The following AMOTL1 variants were observed in gnomAD, a reference collection of about 807,000 sequenced individuals.
AMOTL1 encodes angiomotin-like protein 1.
In AMOTL1, 45 loss-of-function variants were observed where a neutral mutation model predicts 102.9. The ratio of observed to expected loss-of-function variants is 0.44; its 90% CI spans 0.34 to 0.56. The LOEUF (loss-of-function observed/expected upper bound fraction) is 0.56. Ranked by LOEUF, AMOTL1 falls within the 20% of genes least tolerant of loss-of-function variation. AMOTL1 has a pLI of 0.01. For synonymous variants in AMOTL1, 481 were observed against 484.7 expected (o/e 0.99, Z 0.10); for missense variants, 1,114 against 1,225.6 (o/e 0.91, Z 1.36).
intron 3 of AMOTL1, among the ~76,000 whole-genome samples, chr11:94,758,489 G>C (rs1950754379): frequency 6.6e-6 from 1 of 152,228 alleles, no homozygotes; most frequent in Admixed American, 6.5e-5. Context: ...TTGTCTTACA[G>C]GATGCTTAGT....
chr11:94,712,333 T>C (rs1013623181), intron 1 of AMOTL1, among the ~76,000 whole-genome samples: 4 of 152,072 alleles, frequency 2.6e-5, no homozygotes, highest in Non-Finnish European at 5.9e-5. Flanking sequence ...CCTTTTACCA[T>C]ATACAAACAT....
At chr11:94,718,194 T>C (rs1476145638) in intron 1 of AMOTL1, among the ~76,000 whole-genome samples, 1 of 152,008 alleles carries the variant, frequency 6.6e-6, no homozygotes, top group African/African-American at 2.4e-5. Context: ...GGACCCTCTT[T>C]GTAAATTGTT....
chr11:94,856,198 C>T (rs1334171972), intron 8 of AMOTL1, among the ~76,000 whole-genome samples: 1 of 152,086 alleles, frequency 6.6e-6, no homozygotes, highest in Non-Finnish European at 1.5e-5. Context: ...ATCTGAAATG[C>T]TTGGGACCAG....
chr11:94,727,612 G>A (rs1427747458), intron 1 of AMOTL1, among the ~76,000 whole-genome samples: 2 of 152,142 alleles, frequency 1.3e-5, no homozygotes, highest in African/African-American at 4.8e-5. Flanking sequence ...TTTGCAAGAG[G>A]AAATTAAGCC....
Position 94,799,800 on chromosome 11 carries a change from C to A in AMOTL1, c.610C>A (p.Gln204Lys), listed in dbSNP as rs1951437213. ...AKAQSQFFRG[Q>K]QQQQQQQGAV... Reference sequence around the variant, plus strand: ...AGCACAGTCGCAGTTCTTCAGGGGGCAGCAGCAGCAGCAACAGCAGCAGGG... The same window carrying A: ...AGCACAGTCGCAGTTCTTCAGGGGGAAGCAGCAGCAGCAACAGCAGCAGGG... The change falls in exon 3 of 13, where the codon CAG (glutamine) becomes AAG (lysine). Residue 204 changes from glutamine (Q) to lysine (K), a missense_variant. Gln to Lys is a moderately conservative substitution (Grantham distance 53, BLOSUM62 1). Coordinates refer to ENST00000433060, the MANE Select transcript of AMOTL1 (RefSeq NM_130847.3). This position sits in a 1 kb window ranked among gnomAD's most constrained non-coding sequence, Gnocchi z 4.5. 3 of 1,589,616 alleles carry A rather than the reference C, an allele frequency of 1.9e-6. No individual in the cohort carries two copies. Among genetic ancestry groups the A allele is most frequent in the Admixed American group, 3.5e-5 (2 of 57,018 alleles).
At chr11:94,761,563 C>T (rs1048348422) in intron 3 of AMOTL1, among the ~76,000 whole-genome samples, 2 of 152,030 alleles carry the variant, frequency 1.3e-5, no homozygotes, top group Admixed American at 6.6e-5. Flanking sequence ...TCTCCCAATC[C>T]ATACTTTGGA....
At chr11:94,711,965 A>T (rs2135429382) in intron 1 of AMOTL1, among the ~76,000 whole-genome samples, 1 of 152,224 alleles carries the variant, frequency 6.6e-6, no homozygotes, top group African/African-American at 2.4e-5. Flanking sequence ...ATGCCTGAAA[A>T]TGTGATATCT....
intron 1 of AMOTL1, among the ~76,000 whole-genome samples, chr11:94,711,930 A>T (rs376987708): frequency 6.6e-6 from 1 of 152,138 alleles, no homozygotes; most frequent in Non-Finnish European, 1.5e-5. Flanking sequence ...TTGCATGAAC[A>T]TAAATTTTCA....
intron 1 of AMOTL1, among the ~76,000 whole-genome samples, chr11:94,787,534 A>C (rs1231886468): frequency 6.6e-6 from 1 of 151,694 alleles, no homozygotes; most frequent in Non-Finnish European, 1.5e-5. Context: ...CTAAAAATAC[A>C]AAAATTAGCC....
intron 7 of AMOTL1, among the ~76,000 whole-genome samples, chr11:94,852,436 C>T (rs920541080): frequency 1.3e-5 from 2 of 152,338 alleles, no homozygotes; most frequent in East Asian, 3.9e-4. Flanking sequence ...ATTGAATACA[C>T]CCAGGTGCGG....
At chr11:94,777,284 T>A (rs942562330) in intron 1 of AMOTL1, among the ~76,000 whole-genome samples, 2 of 152,218 alleles carry the variant, frequency 1.3e-5, no homozygotes, top group Admixed American at 1.3e-4. Context: ...TGGTATTGAC[T>A]GGCCTGGCAG....
intron 3 of AMOTL1, among the ~76,000 whole-genome samples, chr11:94,746,470 C>A (rs142308669): frequency 6.6e-6 from 1 of 152,268 alleles, no homozygotes; most frequent in African/African-American, 2.4e-5. Context: ...TAACCTGCAT[C>A]ACTCATACCC....
At chr11:94,844,485 A>G (rs1952367490) in intron 6 of AMOTL1, among the ~76,000 whole-genome samples, 1 of 152,262 alleles carries the variant, frequency 6.6e-6, no homozygotes, top group South Asian at 2.1e-4. Context: ...GGTAATTTAC[A>G]AACAATAGAA....
At chr11:94,794,655 G>C (rs1006038202) in intron 1 of AMOTL1, among the ~76,000 whole-genome samples, 10 of 152,096 alleles carry the variant, frequency 6.6e-5, no homozygotes, top group Admixed American at 3.9e-4. Flanking sequence ...CCTCCTTTCT[G>C]TCCTCAACCT....
chr11:94,714,212 C>A (rs1008500746), intron 1 of AMOTL1, among the ~76,000 whole-genome samples: 2 of 151,918 alleles, frequency 1.3e-5, no homozygotes, highest in African/African-American at 2.4e-5. Context: ...ATTGAACCAG[C>A]CTTACATAGC....
chr11:94,860,942 TC>T (rs1392862507), intron 9 of AMOTL1, among the ~76,000 whole-genome samples: 4 of 152,068 alleles, frequency 2.6e-5, no homozygotes, highest in Non-Finnish European at 5.9e-5. Context: ...TAGGGGAGAA[TC>T]CCCAGTGGTA....
rs547399735 is a variant in AMOTL1, at chr11:94,769,006, T to C, written c.49+446T>C. Among the ~76,000 whole-genome samples the C allele has an allele frequency of 2.4e-3, 364 of 152,100 alleles. 1 individual carries two copies. The highest frequency in any genetic ancestry group is 3.9e-3 in the Non-Finnish European group (268 of 67,976). ...GCGCGCACCGGCCCGCCCGACGGGCTCTGGCGCTGTGGACTGGACCCTTTC... is the reference window on the plus strand; with the variant it reads ...GCGCGCACCGGCCCGCCCGACGGGCCCTGGCGCTGTGGACTGGACCCTTTC... On this transcript the variant is annotated intron_variant, in intron 1 of 12. Coordinates refer to ENST00000433060, the MANE Select transcript of AMOTL1 (RefSeq NM_130847.3).
In AMOTL1 at chr11:94,866,063, C is replaced by T. The variant is rs1184405071; in HGVS notation, c.2383C>T (p.Pro795Ser). Residue 795 changes from proline (P) to serine (S), a missense_variant, in exon 11 of 13, where the codon CCA (proline) becomes TCA (serine). By Grantham distance (74) the Pro-to-Ser change is moderately conservative (BLOSUM62 -1). Coordinates refer to ENST00000433060, the MANE Select transcript of AMOTL1 (RefSeq NM_130847.3). ...SSSLRPARSV[P>S]SIAAATGTHS... ...CAGCCTACGTCCTGCCCGCTCCGTTCCATCCATAGCAGCAGCTACTGGGAC... is the reference window on the plus strand; with the variant it reads ...CAGCCTACGTCCTGCCCGCTCCGTTTCATCCATAGCAGCAGCTACTGGGAC... 1.2e-6 allele frequency: 2 copies of T among 1,613,974 alleles called. No homozygotes were observed. Among genetic ancestry groups the T allele is most frequent in the Non-Finnish European group, 8.5e-7 (1 of 1,179,902 alleles).
chr11:94,707,250 C>CTCTGTGTG (rs1338023479), intron 1 of AMOTL1, among the ~76,000 whole-genome samples: 140 of 71,784 alleles, frequency 2.0e-3, no homozygotes, highest in African/African-American at 4.9e-3. Context: ...CTCTCTCTCT[C>CTCTGTGTG]TGTGTGTGTG....
Sources: allele counts gnomAD v4.1 joint callset (sites outside exome capture counted in the v4.1 genomes callset), GRCh38; gene constraint gnomAD v4.1.1; non-coding constraint Gnocchi (gnomAD v3.1); transcripts MANE v1.5; gene names NCBI Gene and HGNC (gene_info 2026-07-23, HGNC 2026-07-21).